The following COL4A6 variants were observed in gnomAD, a reference collection of about 807,000 sequenced individuals.
COL4A6 encodes collagen type IV alpha 6 chain.
COL4A6 carries 59 observed loss-of-function variants against 126.7 expected under a neutral mutation model. That is an observed-to-expected ratio of 0.47 (90% CI 0.38 to 0.58). COL4A6 has a LOEUF of 0.58. COL4A6 is among the 20% of genes least tolerant of loss of function. COL4A6 has a pLI of 0.00. For missense variants in COL4A6, 1,285 were observed against 1,337.3 expected (o/e 0.96, Z 0.61); for synonymous variants, 547 against 496.6 (o/e 1.10, Z -1.35).
At chrX:108,159,215 C>T (rs2033838639) in intron 44 of COL4A6, among the ~76,000 whole-genome samples, 1 of 112,005 alleles carries the variant, frequency 8.9e-6, no homozygotes, top group East Asian at 2.8e-4. Context: ...GACGGCGGGG[C>T]ATTGACCTAT....
At chrX:108,301,275 C>T (rs2038480986) in intron 3 of COL4A6, among the ~76,000 whole-genome samples, 1 of 112,352 alleles carries the variant, frequency 8.9e-6, no homozygotes, top group Admixed American at 9.4e-5. Flanking sequence ...GACATGACTC[C>T]TCACAGAACT....
intron 5 of COL4A6, among the ~76,000 whole-genome samples, chrX:108,218,483 A>C (rs1002962951): frequency 8.9e-6 from 1 of 112,534 alleles, no homozygotes; most frequent in Non-Finnish European, 1.9e-5. Context: ...ATTTGTTGAT[A>C]CATGCAACAG....
chrX:108,296,902 A>C (rs965853339), intron 3 of COL4A6, among the ~76,000 whole-genome samples: 12 of 111,878 alleles, frequency 1.1e-4, no homozygotes, highest in African/African-American at 3.6e-4. Context: ...TCAAGCAAAG[A>C]AAGTTTTTCA....
At chrX:108,189,819 C>A (rs909353403) in intron 20 of COL4A6, among the ~76,000 whole-genome samples, 2 of 112,072 alleles carry the variant, frequency 1.8e-5, no homozygotes, top group Non-Finnish European at 3.8e-5. Context: ...ATAACTGAAC[C>A]CTAGGCCATC....
intron 2 of COL4A6, among the ~76,000 whole-genome samples, chrX:108,326,443 T>C (rs2147958311): frequency 8.9e-6 from 1 of 112,231 alleles, no homozygotes; most frequent in African/African-American, 3.2e-5. Flanking sequence ...TTGATGATCA[T>C]AAACTCAGTG....
chrX:108,287,772 T>A (rs1439496957), intron 3 of COL4A6, among the ~76,000 whole-genome samples: 1 of 111,891 alleles, frequency 8.9e-6, no homozygotes, highest in Non-Finnish European at 1.9e-5. Flanking sequence ...TCTTCTCTAA[T>A]ACTTGTTCTG....
At chrX:108,378,453 T>G (rs150477378) in intron 2 of COL4A6, among the ~76,000 whole-genome samples, 1,246 of 112,316 alleles carry the variant, frequency 0.011, 9 homozygotes, top group Non-Finnish European at 0.017. Flanking sequence ...TGAGATACCC[T>G]TTAGGAAAAG....
At chrX:108,240,664 A>G (rs1417858434) in intron 3 of COL4A6, among the ~76,000 whole-genome samples, 1 of 111,949 alleles carries the variant, frequency 8.9e-6, no homozygotes, top group Non-Finnish European at 1.9e-5. Context: ...TGCCAAATTA[A>G]GTGCTCACTC....
intron 3 of COL4A6, among the ~76,000 whole-genome samples, chrX:108,271,542 C>T (rs2037452047): frequency 9.0e-6 from 1 of 111,450 alleles, no homozygotes. Context: ...AAATAATTTA[C>T]AGTCCTAAGG....
At chrX:108,435,814 C>T (rs914226670) in intron 2 of COL4A6, among the ~76,000 whole-genome samples, 1 of 112,095 alleles carries the variant, frequency 8.9e-6, no homozygotes, top group Non-Finnish European at 1.9e-5. Context: ...AGTAAAGAGA[C>T]TTTCTCATAG....
At chrX:108,378,446 G>A (rs1170411870) in intron 2 of COL4A6, among the ~76,000 whole-genome samples, 2 of 112,029 alleles carry the variant, frequency 1.8e-5, no homozygotes, top group African/African-American at 6.5e-5. Context: ...GTATATATGA[G>A]ATACCCTTTA....
intron 27 of COL4A6, among the ~76,000 whole-genome samples, chrX:108,177,722 C>T (rs1039331919): frequency 1.8e-5 from 2 of 112,002 alleles, no homozygotes; most frequent in Admixed American, 9.4e-5. Context: ...TAAATCATGA[C>T]GACAGAGGTA....
In COL4A6 at chrX:108,162,971, T is replaced by C; in HGVS notation, c.4137A>G (p.Gly1379=). 8.3e-7 allele frequency: 1 copy of C among 1,200,923 alleles called. No homozygotes were observed. Among genetic ancestry groups the C allele is most frequent in the South Asian group, 1.8e-5 (1 of 55,164 alleles). ...CATCGATCCCTGGTAGACCCAAGGG[T>C]CCAGGAGGAACCTGGACAGCTTCTG... is the stretch of plus-strand genomic sequence containing the variant. ...PTAEAVQVPP[G]PLGLPGIDGI... The change falls in exon 41 of 45, where the codon GGA becomes GGG. Residue 1379 remains glycine, a synonymous_variant. Transcript: ENST00000334504.
intron 2 of COL4A6, among the ~76,000 whole-genome samples, chrX:108,382,143 A>T (rs1817168411): frequency 8.9e-6 from 1 of 111,841 alleles, no homozygotes; most frequent in South Asian, 3.8e-4. Flanking sequence ...TTAAAATATA[A>T]GTCTGCTCAC....
chrX:108,368,121 T>C (rs1472041017), intron 2 of COL4A6, among the ~76,000 whole-genome samples: 1 of 109,697 alleles, frequency 9.1e-6, no homozygotes, highest in Non-Finnish European at 1.9e-5. Flanking sequence ...CCATGGTGCC[T>C]TCTGAGAAAT....
At chrX:108,308,822 AGAGATGTATCTATGCTT>A (rs1184401179) in intron 3 of COL4A6, among the ~76,000 whole-genome samples, 1 of 112,001 alleles carries the variant, frequency 8.9e-6, no homozygotes, top group African/African-American at 3.2e-5. Flanking sequence ...TATCTATGCT[AGAGATGTATCTATGCTT>A]GAGCTAGTAT....
At chrX:108,341,972 T>C (rs1021456203) in intron 2 of COL4A6, among the ~76,000 whole-genome samples, 5 of 112,147 alleles carry the variant, frequency 4.5e-5, no homozygotes, top group African/African-American at 1.6e-4. Flanking sequence ...TATTATCATA[T>C]CTAAGGAAAG....
chrX:108,212,996 C>G (rs982666084), intron 6 of COL4A6, among the ~76,000 whole-genome samples: 1 of 111,709 alleles, frequency 9.0e-6, no homozygotes, highest in Non-Finnish European at 1.9e-5. Flanking sequence ...AACTTTGTAA[C>G]CCACTTATCT....
chrX:108,289,706 G>C (rs1461741212), intron 3 of COL4A6, among the ~76,000 whole-genome samples: 1 of 109,745 alleles, frequency 9.1e-6, no homozygotes, highest in Non-Finnish European at 1.9e-5. Context: ...CAATATCCCA[G>C]CCCATTGGCC....
Sources: gnomAD v4.1 joint callset for allele counts (sites outside exome capture counted in the v4.1 genomes callset) on GRCh38, gnomAD v4.1.1 for gene constraint, MANE v1.5 for transcripts, NCBI Gene and HGNC (gene_info 2026-07-23, HGNC 2026-07-21) for gene names.